Variants in NELL1 observed in about 807,000 individuals in gnomAD.
NELL1 encodes the protein protein kinase C-binding protein NELL1.
Under a neutral mutation model 107.4 loss-of-function variants are expected in NELL1, and 76 were observed. That is an observed-to-expected ratio of 0.71 (90% CI 0.59 to 0.86). The LOEUF is 0.86. Ranked by LOEUF, NELL1 falls within the 40% of genes least tolerant of loss-of-function variation. NELL1 has a pLI of 0.00. For synonymous variants in NELL1, 353 were observed against 341.2 expected (o/e 1.03, Z -0.38); for missense variants, 1,024 against 1,005.5 (o/e 1.02, Z -0.25).
chr11:20,804,180 G>C (rs922344965), intron 3 of NELL1, among the ~76,000 whole-genome samples: 1 of 151,960 alleles, frequency 6.6e-6, no homozygotes, highest in Non-Finnish European at 1.5e-5. Context: ...TGTAGGTTTT[G>C]GTATGCTGTG....
At chr11:21,278,770 A>C (rs1262363408) in intron 14 of NELL1, among the ~76,000 whole-genome samples, 2 of 152,180 alleles carry the variant, frequency 1.3e-5, no homozygotes, top group Non-Finnish European at 2.9e-5. Flanking sequence ...CTTTGTGGAT[A>C]TTGATAAACT....
At chr11:21,357,589 G>A in intron 14 of NELL1, among the ~76,000 whole-genome samples, 1 of 152,140 alleles carries the variant, frequency 6.6e-6, no homozygotes, top group East Asian at 1.9e-4. Context: ...ATTTTCTCCT[G>A]TTCTGTGGGT....
chr11:20,918,380 A>G, intron 6 of NELL1, 126 bp downstream of exon 6: 1 of 625,066 alleles, frequency 1.6e-6, no homozygotes, highest in Non-Finnish European at 2.9e-6. Flanking sequence ...AGATAGTGAA[A>G]GAGAACTTAT....
chr11:21,290,430 A>AATAAATAT (rs1486590261), intron 14 of NELL1, among the ~76,000 whole-genome samples: 1 of 124,492 alleles, frequency 8.0e-6, no homozygotes, highest in East Asian at 2.2e-4. Flanking sequence ...TAAATAAATA[A>AATAAATAT]ATATTCCTTC....
intron 14 of NELL1, among the ~76,000 whole-genome samples, chr11:21,273,267 A>C (rs1848778776): frequency 1.3e-5 from 2 of 152,252 alleles, no homozygotes; most frequent in South Asian, 4.1e-4. Context: ...CACAAGCCTC[A>C]GTAGCTGATT....
intron 7 of NELL1, among the ~76,000 whole-genome samples, chr11:20,922,695 C>T (rs79637945): frequency 1.1e-3 from 163 of 152,058 alleles, no homozygotes; most frequent in African/African-American, 3.8e-3. Flanking sequence ...GGTAGACAGT[C>T]ATATAGGTCA....
At chr11:20,815,224 C>G (rs182530857) in intron 3 of NELL1, among the ~76,000 whole-genome samples, 53 of 152,198 alleles carry the variant, frequency 3.5e-4, no homozygotes, top group African/African-American at 1.3e-3. Context: ...GCCACCACAC[C>G]TGGCTAATTT....
At chr11:20,810,454 A>C (rs748813673) in intron 3 of NELL1, among the ~76,000 whole-genome samples, 15 of 152,206 alleles carry the variant, frequency 9.9e-5, no homozygotes, top group Non-Finnish European at 1.3e-4. Context: ...CCCACATATC[A>C]GTGAGAACGT....
intron 14 of NELL1, among the ~76,000 whole-genome samples, chr11:21,280,757 T>C (rs765052145): frequency 2.0e-5 from 3 of 152,154 alleles, no homozygotes; most frequent in Non-Finnish European, 2.9e-5. Context: ...TATTTAAGTT[T>C]AATAAACTTA....
At chr11:20,677,616 A>T (rs1468012230) in intron 1 of NELL1, among the ~76,000 whole-genome samples, 2 of 152,244 alleles carry the variant, frequency 1.3e-5, no homozygotes, top group East Asian at 1.9e-4. Flanking sequence ...GTTACATAAA[A>T]TGTAGTATAT....
At chr11:20,942,205 G>A (rs1273804893) in intron 10 of NELL1, among the ~76,000 whole-genome samples, 1 of 152,188 alleles carries the variant, frequency 6.6e-6, no homozygotes, top group Non-Finnish European at 1.5e-5. Context: ...CCTATATTCT[G>A]TCTCTCATTG....
chr11:20,755,534 G>GTTTTTTTT (rs1364309032), intron 2 of NELL1, among the ~76,000 whole-genome samples: 1 of 90,310 alleles, frequency 1.1e-5, no homozygotes, highest in African/African-American at 3.4e-5. Context: ...ACCTGTGTGG[G>GTTTTTTTT]TTTTTGTTTT....
chr11:20,855,285 G>A lies in NELL1; in HGVS notation c.506+7532G>A, dbSNP rs1163524863. ...ATTAATTGAAATGGAAGATGAGAGA[G>A]TGATCTGCATTTTTCTCCATCCACT... is the stretch of plus-strand genomic sequence containing the variant. On this transcript the variant is annotated intron_variant, in intron 4 of 19. Transcript: ENST00000357134. Among the ~76,000 whole-genome samples the A allele has an allele frequency of 3.3e-5, 5 of 152,054 alleles. No individual in the cohort carries two copies. The East Asian group carries it at 7.7e-4, about 24-fold the overall frequency.
chr11:21,005,867 C>T (rs1233187975), intron 12 of NELL1, among the ~76,000 whole-genome samples: 2 of 152,124 alleles, frequency 1.3e-5, no homozygotes, highest in African/African-American at 4.8e-5. Context: ...AGGAACATCT[C>T]TTCTGTCACT....
intron 12 of NELL1, among the ~76,000 whole-genome samples, chr11:20,985,123 C>G (rs560980798): frequency 6.6e-6 from 1 of 152,060 alleles, no homozygotes; most frequent in East Asian, 1.9e-4. Context: ...AGATATATCT[C>G]GCCTCATTTC....
At position 21,488,460 on chromosome 11, in the gene NELL1, C is replaced by T. The variant is rs143944679; in HGVS notation, c.1646-45914C>T. On this transcript the variant is annotated intron_variant, in intron 15 of 19. Coordinates refer to ENST00000357134, the MANE Select transcript of NELL1 (RefSeq NM_006157.5). ...TTTGTATGATTTCCTGGCCTATAAGCAGCATTGGTGATATCTGCAATTTCC... is the reference window on the plus strand; with the variant it reads ...TTTGTATGATTTCCTGGCCTATAAGTAGCATTGGTGATATCTGCAATTTCC... Among the ~76,000 whole-genome samples the T allele has an allele frequency of 0.019, 2,899 of 152,098 alleles. 259 individuals carry two copies. The East Asian group carries it at 0.27, about 14-fold the overall frequency.
intron 14 of NELL1, among the ~76,000 whole-genome samples, chr11:21,274,732 AG>A (rs1848817363): frequency 6.6e-6 from 1 of 152,350 alleles, no homozygotes; most frequent in African/African-American, 2.4e-5. Context: ...ACTAGAACTC[AG>A]GATTAAGAAA....
intron 4 of NELL1, among the ~76,000 whole-genome samples, chr11:20,850,661 C>A (rs1848779142): frequency 6.6e-6 from 1 of 152,102 alleles, no homozygotes; most frequent in African/African-American, 2.4e-5. Flanking sequence ...TGAGGGAAGG[C>A]CAAGATTCAA....
At chr11:20,997,797 G>T (rs116499540) in intron 12 of NELL1, among the ~76,000 whole-genome samples, 3,048 of 152,050 alleles carry the variant, frequency 0.02, 124 homozygotes, top group African/African-American at 0.07. Flanking sequence ...AACATAGCAA[G>T]ACCCTGTCTC....
Sources: allele counts gnomAD v4.1 joint callset (sites outside exome capture counted in the v4.1 genomes callset), GRCh38; gene constraint gnomAD v4.1.1; transcripts MANE v1.5; gene names NCBI Gene and HGNC (gene_info 2026-07-23, HGNC 2026-07-21).